Variants in NLGN2 observed in about 807,000 individuals in gnomAD.
NLGN2 encodes neuroligin-2.
Under a neutral mutation model 48.6 loss-of-function variants are expected in NLGN2, and 11 were observed. The observed-to-expected ratio is 0.23, with a 90% CI of 0.14 to 0.37. The LOEUF (loss-of-function observed/expected upper bound fraction) is 0.37, where lower values mean the gene tolerates loss of function less well. Among genes scored for constraint, NLGN2 ranks in the 10% least tolerant of loss-of-function variants. NLGN2 has a pLI of 1.00. For missense variants in NLGN2, 801 were observed against 1,225.2 expected, an observed-to-expected ratio of 0.65 and a Z score of 5.17; for synonymous variants, 548 against 550.0, an observed-to-expected ratio of 1.00 and a Z score of 0.05.
Position 7,408,338 on chromosome 17 carries a change from G to A in NLGN2, c.83G>A (p.Gly28Asp). The part of the protein sequence containing the change: ...GGGPGGGAPG[G>D]PGLGLGSLGE... The stretch of plus-strand genomic sequence containing the variant: ...GGTCCCGGCGGCGGCGCCCCGGGCG[G>A]CCCCGGCCTGGGCCTCGGCAGCCTC... Residue 28 changes from glycine (G) to aspartate (D), a missense_variant, in exon 1 of 7, where the codon GGC (glycine) becomes GAC (aspartate). Transcript: ENST00000302926. The surrounding 1 kb of genome is among the most constrained non-coding windows in gnomAD (Gnocchi z 7.5). The A allele has an allele frequency of 6.8e-7, 1 of 1,463,522 alleles. No homozygotes were observed. The highest frequency in any genetic ancestry group is 9.0e-7 in the Non-Finnish European group (1 of 1,111,438). 90.7% of individuals were successfully genotyped at this position (1,463,522 alleles called of 1,614,324 possible).
Position 7,408,732 on chromosome 17 carries a change from G to C in NLGN2, c.457+20G>C. The C allele has an allele frequency of 6.2e-7, 1 of 1,612,436 alleles. No individual in the cohort carries two copies. The highest frequency in any genetic ancestry group is 1.1e-5 in the South Asian group (1 of 91,064). On this transcript the variant is annotated intron_variant, in intron 1 of 6. Coordinates refer to ENST00000302926, the MANE Select transcript of NLGN2 (RefSeq NM_020795.4). The surrounding 1 kb of genome is among the most constrained non-coding windows in gnomAD (Gnocchi z 7.5). ...AGGACGGTAAGGGCGCGGGCACAAA[G>C]CCGGGCACCCCGTGGACACAGCCCA...
chr17:7,411,053 C>G lies in NLGN2; in HGVS notation c.458-1104C>G, dbSNP rs1906862932. Reference sequence around the variant, plus strand: ...GGAAAAACCAATCAGCCTCGGGGAACCCCCAGGCCTCTGGGCTCCAGCTCG... The same window carrying G: ...GGAAAAACCAATCAGCCTCGGGGAAGCCCCAGGCCTCTGGGCTCCAGCTCG... On this transcript the variant is annotated intron_variant, in intron 1 of 6. Transcript: ENST00000302926. The surrounding 1 kb of genome is among the most constrained non-coding windows in gnomAD (Gnocchi z 4.5). Among the ~76,000 whole-genome samples the G allele has an allele frequency of 6.6e-6, 1 of 152,214 alleles. No homozygotes were observed. The highest frequency in any genetic ancestry group is 1.5e-5 in the Non-Finnish European group (1 of 68,038).
At chr17:7,409,351 C>T (rs541256014) in intron 1 of NLGN2, among the ~76,000 whole-genome samples, 3 of 152,120 alleles carry the variant, frequency 2.0e-5, no homozygotes, top group East Asian at 3.9e-4. Flanking sequence ...ACAGCCCACC[C>T]GTCTTCCCTG....
In NLGN2 at chr17:7,408,177, C is replaced by CCTCCCTCCCT. The variant is rs1906723013; in HGVS notation, c.-73_-64dup. The CCTCCCTCCCT allele has an allele frequency of 1.3e-6, 1 of 758,470 alleles. No homozygotes were observed. Among genetic ancestry groups the CCTCCCTCCCT allele is most frequent in the Non-Finnish European group, 1.9e-6 (1 of 535,386 alleles). The allele number at this position is 758,470 out of a possible 1,614,324, so 47.0% of individuals were successfully genotyped here. ...CTCCTCCCTCCTGGGGCGAGGGGGG[C>CCTCCCTCCCT]CTCCCTCCCTCTCCCCCCCTTCTCT... On this transcript the variant is annotated 5_prime_UTR_variant, in exon 1 of 7. Transcript: ENST00000302926. This position sits in a 1 kb window ranked among gnomAD's most constrained non-coding sequence, Gnocchi z 7.5.
At chr17:7,415,390 A>T in intron 5 of NLGN2, 121 bp from the exon 6 acceptor site, 1 of 1,023,538 alleles carries the variant, frequency 9.8e-7, no homozygotes, top group Non-Finnish European at 1.5e-6. Flanking sequence ...CCACTGGAGG[A>T]TTTCAAGTAG....
At chr17:7,409,081 T>C (rs1241501242) in intron 1 of NLGN2, among the ~76,000 whole-genome samples, 1 of 151,982 alleles carries the variant, frequency 6.6e-6, no homozygotes, top group East Asian at 1.9e-4. Context: ...AGACACCCAC[T>C]CCAACCTTGC....
upstream of NLGN2, among the ~76,000 whole-genome samples, chr17:7,406,620 G>A (rs1473443512): frequency 7.5e-6 from 1 of 132,786 alleles, no homozygotes; most frequent in East Asian, 2.6e-4. Context: ...AAAACCCCGC[G>A]TCAGCAAACA....
At chr17:7,410,382 C>G (rs1906832854) in intron 1 of NLGN2, among the ~76,000 whole-genome samples, 2 of 152,154 alleles carry the variant, frequency 1.3e-5, no homozygotes, top group African/African-American at 2.4e-5. Context: ...CACCCTAGTT[C>G]CCCATAAGCC....
intron 1 of NLGN2, among the ~76,000 whole-genome samples, chr17:7,409,668 C>T (rs1202250034): frequency 6.6e-6 from 1 of 152,092 alleles, no homozygotes; most frequent in African/African-American, 2.4e-5. Flanking sequence ...ATGTTTCCAG[C>T]AACCTTACAC....
Position 7,408,170 on chromosome 17 carries a change from A to C in NLGN2, c.-86A>C. 1.1e-5 allele frequency: 7 copies of C among 649,646 alleles called. No individual in the cohort carries two copies. Among genetic ancestry groups the C allele is most frequent in the African/African-American group, 2.1e-5 (1 of 47,988 alleles). The allele number at this position is 649,646 out of a possible 1,614,324, so 40.2% of individuals were successfully genotyped here. On this transcript the variant is annotated 5_prime_UTR_variant, in exon 1 of 7. Transcript: ENST00000302926. The surrounding 1 kb of genome is among the most constrained non-coding windows in gnomAD (Gnocchi z 7.5). ...CCCGCCCCTCCTCCCTCCTGGGGCG[A>C]GGGGGGCCTCCCTCCCTCTCCCCCC...
chr17:7,417,482 G>A lies in NLGN2; in HGVS notation c.2191G>A (p.Ala731Thr), dbSNP rs557313446. The change falls in exon 7 of 7, where the codon GCC becomes ACC. Residue 731 changes from alanine (A) to threonine (T), a missense_variant. Transcript: ENST00000302926. ...GCCTGGTGGGGGCCCCCTGCTCCCC[G>A]CCGCGGGCCGTGAGCTGCCACCAGA... ...GVPGGGPLLP[A>T]AGRELPPEEE... 8.9e-5 allele frequency: 136 copies of A among 1,520,892 alleles called. 1 individual carries two copies. Among genetic ancestry groups the A allele is most frequent in the South Asian group, 4.7e-4 (38 of 80,816 alleles). 94.2% of individuals were successfully genotyped at this position (1,520,892 alleles called of 1,614,324 possible). A position where few individuals can be genotyped will look rare whatever the true frequency, so the allele number is the denominator to read the frequency against.
intron 3 of NLGN2, 63 bp downstream of exon 3, chr17:7,414,556 G>A: frequency 4.3e-6 from 7 of 1,611,806 alleles, no homozygotes; most frequent in Non-Finnish European, 5.9e-6. Context: ...GGTGGGCAGG[G>A]TTCCTCCACA....
rs1906861764 is a variant in NLGN2 at position 7,411,021 on chromosome 17, C to G, written c.458-1136C>G. On this transcript the variant is annotated intron_variant, in intron 1 of 6. Transcript: ENST00000302926. The surrounding 1 kb of genome is among the most constrained non-coding windows in gnomAD (Gnocchi z 4.5). ...CTTGACCCACGTGCCAGTCCCTGTG[C>G]CATTGAGGAAAAACCAATCAGCCTC... Among the ~76,000 whole-genome samples, 1 of 152,214 alleles carries G rather than the reference C, an allele frequency of 6.6e-6. No individual in the cohort carries two copies. Among genetic ancestry groups the G allele is most frequent in the African/African-American group, 2.4e-5 (1 of 41,462 alleles).
In NLGN2 at chr17:7,408,438, G is replaced by C. The variant is rs1249070316; in HGVS notation, c.183G>C (p.Glu61Asp). 1 of 1,569,044 alleles carries C rather than the reference G, an allele frequency of 6.4e-7. No individual in the cohort carries two copies. Among genetic ancestry groups the C allele is most frequent in the South Asian group, 1.2e-5 (1 of 86,428 alleles). ...VRGVRRELNN[E>D]ILGPVVQFLG... The stretch of plus-strand genomic sequence containing the variant: ...GTGTGCGGCGCGAGCTCAACAACGA[G>C]ATCCTGGGCCCCGTCGTGCAGTTCT... The change falls in exon 1 of 7, where the codon GAG (glutamate) becomes GAC (aspartate). Residue 61 changes from glutamate (E) to aspartate (D), a missense_variant. Coordinates refer to ENST00000302926, the MANE Select transcript of NLGN2 (RefSeq NM_020795.4). The surrounding 1 kb of genome is among the most constrained non-coding windows in gnomAD (Gnocchi z 7.5).
chr17:7,408,213 G>A lies in NLGN2; in HGVS notation c.-43G>A, dbSNP rs1448371373. On this transcript the variant is annotated 5_prime_UTR_variant, in exon 1 of 7. Transcript: ENST00000302926. The surrounding 1 kb of genome is among the most constrained non-coding windows in gnomAD (Gnocchi z 7.5). ...CTCCCCCCCTTCTCTCTCTCTCCGAGGGGGGGGGGTCCCAGGGAGGGAGGG... is the reference window on the plus strand; with the variant it reads ...CTCCCCCCCTTCTCTCTCTCTCCGAAGGGGGGGGGTCCCAGGGAGGGAGGG... The A allele has an allele frequency of 2.3e-5, 7 of 304,102 alleles. No homozygotes were observed. Among genetic ancestry groups the A allele is most frequent in the South Asian group, 9.5e-5 (1 of 10,572 alleles). The allele number at this position is 304,102 out of a possible 1,614,324, so 18.8% of individuals were successfully genotyped here. A position where few individuals can be genotyped will look rare whatever the true frequency, so the allele number is the denominator to read the frequency against.
rs773902136 is a variant in NLGN2 at position 7,415,034 on chromosome 17, C to T, written c.923C>T (p.Thr308Met). The T allele has an allele frequency of 7.6e-5, 123 of 1,613,152 alleles. 1 individual carries two copies. The highest frequency in any genetic ancestry group is 9.2e-5 in the Non-Finnish European group (109 of 1,180,036). ...WSVNYQPLKY[T>M]RLLAAKVGCD... ...GTCAACTACCAGCCGCTCAAGTACA[C>T]GCGGCTGCTGGCAGCCAAGGTGGGC... Residue 308 changes from threonine to methionine, a missense_variant, in exon 5 of 7, where the codon ACG (threonine) becomes ATG (methionine). By Grantham distance (81) the Thr-to-Met change is moderately conservative. Coordinates refer to ENST00000302926, the MANE Select transcript of NLGN2 (RefSeq NM_020795.4).
intron 2 of NLGN2, 35 bp downstream of exon 2, chr17:7,412,242 C>T (rs761859486): frequency 1.9e-6 from 3 of 1,577,152 alleles, no homozygotes; most frequent in Non-Finnish European, 2.6e-6. Context: ...CATGTGGTTG[C>T]TTATAAGAGG....
chr17:7,417,712 T>G lies in NLGN2; in HGVS notation c.2421T>G (p.His807Gln). The G allele has an allele frequency of 3.3e-6, 3 of 907,668 alleles. No individual in the cohort carries two copies. Among genetic ancestry groups the G allele is most frequent in the East Asian group, 4.6e-5 (1 of 21,706 alleles). 56.2% of individuals were successfully genotyped at this position (907,668 alleles called of 1,614,324 possible). A position where few individuals can be genotyped will look rare whatever the true frequency, so the allele number is the denominator to read the frequency against. The change falls in exon 7 of 7, where the codon CAT (histidine) becomes CAG (glutamine). Residue 807 changes from histidine to glutamine, a missense_variant. Transcript: ENST00000302926. ...CACCCCCACCGCCCCCCTCCCTTCA[T>G]CCCTTCGGGCCCTTCCCCCCGCCCC... ...PPPPPPPPSLHPFGPFPPPPP... is the reference protein window; with the variant it reads ...PPPPPPPPSLQPFGPFPPPPP...
intron 6 of NLGN2, among the ~76,000 whole-genome samples, chr17:7,416,351 T>A (rs773465949): frequency 1.4e-4 from 21 of 150,044 alleles, no homozygotes; most frequent in Non-Finnish European, 2.7e-4. Flanking sequence ...TGTCTCTCCC[T>A]CCTCCTTGCC....
Sources: gnomAD v4.1 joint callset for allele counts (sites outside exome capture counted in the v4.1 genomes callset) on GRCh38, gnomAD v4.1.1 for gene constraint, Gnocchi (gnomAD v3.1) non-coding constraint, MANE v1.5 for transcripts, NCBI Gene and HGNC (gene_info 2026-07-23, HGNC 2026-07-21) for gene names.